PRKG1: variants seen among roughly 807,000 people sequenced by gnomAD.
PRKG1 encodes cGMP-dependent protein kinase 1.
Under a neutral mutation model 88.1 loss-of-function variants are expected in PRKG1, and 35 were observed. The ratio of observed to expected loss-of-function variants is 0.40; its 90% CI spans 0.30 to 0.53. The LOEUF (loss-of-function observed/expected upper bound fraction) is 0.53, where lower values mean the gene tolerates loss of function less well. Among genes scored for constraint, PRKG1 ranks in the 20% least tolerant of loss-of-function variants. PRKG1 has a pLI of 0.59. For missense variants in PRKG1, 540 were observed against 839.8 expected (o/e 0.64, Z 4.41); for synonymous variants, 303 against 292.5 (o/e 1.04, Z -0.37).
rs922979042 is a variant in PRKG1, at chr10:51,980,997, G to A, written c.762+73427G>A. Among the ~76,000 whole-genome samples, 6 of 152,100 alleles carry A rather than the reference G, an allele frequency of 3.9e-5. No homozygotes were observed. In the East Asian group the frequency reaches 1.2e-3, roughly 29 times the overall value. On this transcript the variant is annotated intron_variant, in intron 5 of 17. Coordinates refer to ENST00000373980, the MANE Select transcript of PRKG1 (RefSeq NM_006258.4). ...CCTGTTTACATTCAAGGTTAATATTGATATGTATGGATTTGATTCTGTCAT... is the reference window on the plus strand; with the variant it reads ...CCTGTTTACATTCAAGGTTAATATTAATATGTATGGATTTGATTCTGTCAT...
chr10:51,169,271 ACT>A (rs759917735), intron 2 of PRKG1, among the ~76,000 whole-genome samples: 4 of 151,994 alleles, frequency 2.6e-5, no homozygotes, highest in Non-Finnish European at 5.9e-5. Flanking sequence ...CCAGTGTAGT[ACT>A]CTCTGTGTAT....
At chr10:51,235,405 A>AAAACAAAC (rs34204430) in intron 2 of PRKG1, among the ~76,000 whole-genome samples, 2 of 150,346 alleles carry the variant, frequency 1.3e-5, no homozygotes, top group Non-Finnish European at 1.5e-5. Context: ...ATCTTGCAGA[A>AAAACAAAC]AAACAAACAA....
Position 51,115,372 on chromosome 10 carries a change from C to CATATATATATATATATATATATATAT in PRKG1, c.312-37779_312-37778insTATATATATATATATATATATATATA, listed in dbSNP as rs57104400. 9.7e-3 allele frequency among the ~76,000 whole-genome samples: 309 copies of CATATATATATATATATATATATATAT among 31,874 alleles called. 10 individuals carry two copies. Among genetic ancestry groups the CATATATATATATATATATATATATAT allele is most frequent in the East Asian group, 0.026 (12 of 456 alleles). 20.9% of individuals were successfully genotyped at this position (31,874 alleles called of 152,430 possible). A position where few individuals can be genotyped will look rare whatever the true frequency, so the allele number is the denominator to read the frequency against. ...GATGTTACAATAATGTTCCTTTAAA[C>CATATATATATATATATATATATATAT]ATATATATATATAAAACAAATGTGA... On this transcript the variant is annotated intron_variant, in intron 1 of 17. Transcript: ENST00000373980.
chr10:52,025,094 T>C (rs1845300595), intron 5 of PRKG1, among the ~76,000 whole-genome samples: 1 of 152,258 alleles, frequency 6.6e-6, no homozygotes, highest in South Asian at 2.1e-4. Context: ...TGATGAGCAT[T>C]TTTTCATGTG....
chr10:52,215,257 G>T (rs1369079749), intron 9 of PRKG1, among the ~76,000 whole-genome samples: 1 of 151,920 alleles, frequency 6.6e-6, no homozygotes, highest in African/African-American at 2.4e-5. Flanking sequence ...AGCCGGGCAT[G>T]GTGGTGGGCA....
At chr10:52,099,827 T>C (rs1315991202) in intron 7 of PRKG1, among the ~76,000 whole-genome samples, 2 of 152,144 alleles carry the variant, frequency 1.3e-5, no homozygotes, top group Non-Finnish European at 1.5e-5. Context: ...CTTTTCCTCA[T>C]TGGGACAAAT....
intron 7 of PRKG1, among the ~76,000 whole-genome samples, chr10:52,084,196 G>A (rs905113800): frequency 6.6e-5 from 10 of 151,936 alleles, no homozygotes; most frequent in African/African-American, 2.2e-4. Context: ...TTTTTAAAAA[G>A]GAGCAGTAAG....
chr10:51,576,159 C>G (rs1837879979), intron 3 of PRKG1, among the ~76,000 whole-genome samples: 1 of 151,880 alleles, frequency 6.6e-6, no homozygotes, highest in African/African-American at 2.4e-5. Flanking sequence ...TGTAGTGAAG[C>G]TGGAATTTGA....
chr10:51,629,643 C>T (rs1354608450), intron 3 of PRKG1, among the ~76,000 whole-genome samples: 1 of 152,158 alleles, frequency 6.6e-6, no homozygotes, highest in Non-Finnish European at 1.5e-5. Context: ...TAATTCAGAA[C>T]ATACGGAGGT....
intron 4 of PRKG1, among the ~76,000 whole-genome samples, chr10:51,841,308 G>A (rs1840269332): frequency 6.6e-6 from 1 of 152,176 alleles, no homozygotes; most frequent in African/African-American, 2.4e-5. Context: ...CATGGATGAA[G>A]AAGACATGGT....
At chr10:51,560,079 T>A (rs1331219482) in intron 3 of PRKG1, among the ~76,000 whole-genome samples, 1 of 152,126 alleles carries the variant, frequency 6.6e-6, no homozygotes, top group Non-Finnish European at 1.5e-5. Context: ...TAACATTTAT[T>A]TCTGCAGCTT....
At chr10:51,554,241 A>G (rs1837243773) in intron 3 of PRKG1, among the ~76,000 whole-genome samples, 2 of 146,962 alleles carry the variant, frequency 1.4e-5, no homozygotes, top group South Asian at 4.2e-4. Context: ...TATGATATGT[A>G]TATATATTAT....
At chr10:51,684,037 C>T (rs969854769) in intron 3 of PRKG1, among the ~76,000 whole-genome samples, 6 of 152,094 alleles carry the variant, frequency 3.9e-5, no homozygotes, top group Admixed American at 3.3e-4. Flanking sequence ...TAGGTATATA[C>T]CCAAGAGAAA....
At chr10:52,165,749 T>TG (rs1358219302) in intron 9 of PRKG1, among the ~76,000 whole-genome samples, 1 of 152,204 alleles carries the variant, frequency 6.6e-6, no homozygotes, top group Non-Finnish European at 1.5e-5. Flanking sequence ...AAAGTAGGAC[T>TG]GACTGTAAAG....
intron 5 of PRKG1, among the ~76,000 whole-genome samples, chr10:51,961,179 G>A (rs1843438123): frequency 6.6e-6 from 1 of 152,052 alleles, no homozygotes; most frequent in South Asian, 2.1e-4. Context: ...CAGTTGTCTT[G>A]ATATTGTGGG....
At position 51,596,393 on chromosome 10, in the gene PRKG1, C is replaced by A. The variant is rs144225212; in HGVS notation, c.592+128557C>A. Among the ~76,000 whole-genome samples, 148 of 152,268 alleles carry A rather than the reference C, an allele frequency of 9.7e-4. 4 individuals are homozygous for A. The East Asian group carries it at 0.026, about 27-fold the overall frequency. On this transcript the variant is annotated intron_variant, in intron 3 of 17. Transcript: ENST00000373980. The stretch of plus-strand genomic sequence containing the variant: ...CCTAAGGGACACACTTCATTTATTA[C>A]AGTCCATTGAAACCCATTTTCCATG...
In PRKG1 at chr10:51,765,558, G is replaced by A. The variant is rs114256212; in HGVS notation, c.593-39027G>A. Among the ~76,000 whole-genome samples, 375 of 152,208 alleles carry A rather than the reference G, an allele frequency of 2.5e-3. 2 individuals are homozygous for A. Among genetic ancestry groups the A allele is most frequent in the African/African-American group, 8.7e-3 (360 of 41,520 alleles). On this transcript the variant is annotated intron_variant, in intron 3 of 17. Transcript: ENST00000373980. ...TGTCCTGTCCAGAGTTGAATTCCTAGTGCTTGGCACTGAGCCTGGTACACA... is the reference window on the plus strand; with the variant it reads ...TGTCCTGTCCAGAGTTGAATTCCTAATGCTTGGCACTGAGCCTGGTACACA...
intron 2 of PRKG1, among the ~76,000 whole-genome samples, chr10:51,220,205 G>A (rs1838491208): frequency 6.6e-6 from 1 of 151,212 alleles, no homozygotes; most frequent in African/African-American, 2.5e-5. Context: ...CAGGACACAA[G>A]GACCACAGTC....
intron 2 of PRKG1, among the ~76,000 whole-genome samples, chr10:51,335,571 C>T (rs1490146313): frequency 6.6e-6 from 1 of 151,508 alleles, no homozygotes; most frequent in Non-Finnish European, 1.5e-5. Flanking sequence ...TTGCTCTGTT[C>T]CCCAGGCTGG....
Sources: allele counts gnomAD v4.1 joint callset (sites outside exome capture counted in the v4.1 genomes callset), GRCh38; gene constraint gnomAD v4.1.1; transcripts MANE v1.5; gene names NCBI Gene and HGNC (gene_info 2026-07-23, HGNC 2026-07-21).